The following IQSEC1 variants were observed in gnomAD, a reference collection of about 807,000 sequenced individuals.
The protein encoded by IQSEC1 is IQ motif and Sec7 domain ArfGEF 1, also known as IQ motif and SEC7 domain-containing protein 1.
Under a neutral mutation model 91.0 loss-of-function variants are expected in IQSEC1, and 31 were observed. The ratio of observed to expected loss-of-function variants is 0.34; its 90% CI spans 0.26 to 0.46. The LOEUF is 0.46. Ranked by LOEUF, IQSEC1 falls within the 20% of genes least tolerant of loss-of-function variation. IQSEC1 has a pLI of 1.00. For synonymous variants in IQSEC1, 699 were observed against 662.6 expected (o/e 1.05, Z -0.84); for missense variants, 1,388 against 1,575.6 (o/e 0.88, Z 2.02).
upstream of IQSEC1, among the ~76,000 whole-genome samples, chr3:13,076,566 G>C (rs1434894982): frequency 2.0e-5 from 3 of 152,178 alleles, no homozygotes; most frequent in Non-Finnish European, 4.4e-5. Flanking sequence ...AGATCTGACA[G>C]TCACAGAGCT....
At chr3:13,224,093 G>A (rs1172514878) in intron 1 of IQSEC1, among the ~76,000 whole-genome samples, 1 of 152,114 alleles carries the variant, frequency 6.6e-6, no homozygotes, top group Non-Finnish European at 1.5e-5. Flanking sequence ...GGCCAACCTC[G>A]GGAGGCTGCT....
intron 1 of IQSEC1, among the ~76,000 whole-genome samples, chr3:12,947,764 C>G (rs1699279264): frequency 6.6e-6 from 1 of 152,252 alleles, no homozygotes; most frequent in African/African-American, 2.4e-5. Context: ...TGCTAAGGCA[C>G]AGTGAGCCCT....
chr3:12,936,667 GC>G lies in IQSEC1; in HGVS notation c.348del (p.Arg117AlafsTer3). ...CGGGCCGCATGGCGGGTTACCAGGC[GC>G]CCCCCATACTTTCGTTCTAGCATCT... The part of the protein sequence containing the change: ...QVEMLERKYG[G>X]RLVTRHAART... On this transcript the variant is annotated frameshift_variant, in exon 3 of 14. Coordinates refer to ENST00000613206, the MANE Select transcript of IQSEC1 (RefSeq NM_001134382.3). LOFTEE classifies it high-confidence loss of function. 6.3e-7 allele frequency: 1 copy of G among 1,593,864 alleles called. No homozygotes were observed.
chr3:13,051,733 C>A (rs1002787442), intron 1 of IQSEC1, among the ~76,000 whole-genome samples: 1 of 152,158 alleles, frequency 6.6e-6, no homozygotes, highest in Admixed American at 6.5e-5. Context: ...CCCTTTCTTG[C>A]ACAGCACTTG....
intron 13 of IQSEC1, 24 bp from the exon 14 acceptor site, chr3:12,901,546 CAAAATT>C: frequency 6.5e-7 from 1 of 1,529,778 alleles, no homozygotes; most frequent in East Asian, 2.5e-5. Context: ...TCATAGAAAT[CAAAATT>C]AAAAGATCTT....
chr3:13,072,256 G>A (rs1705457520), intron 1 of IQSEC1, among the ~76,000 whole-genome samples: 1 of 152,250 alleles, frequency 6.6e-6, no homozygotes. Context: ...CCAGAGGAGG[G>A]CAAAGGTTGC....
At chr3:13,048,916 T>A (rs1330066744) in intron 1 of IQSEC1, among the ~76,000 whole-genome samples, 24 of 152,108 alleles carry the variant, frequency 1.6e-4, no homozygotes, top group Admixed American at 1.4e-3. Flanking sequence ...AGGGCCACAC[T>A]CTGTTGGCTC....
chr3:13,162,137 G>A (rs1376333014), intron 2 of IQSEC1, among the ~76,000 whole-genome samples: 3 of 152,214 alleles, frequency 2.0e-5, no homozygotes, highest in Non-Finnish European at 4.4e-5. Flanking sequence ...ACTAGCCCCC[G>A]CTCAGGTCAC....
chr3:12,913,305 AG>A (rs1695744609), intron 9 of IQSEC1, 122 bp downstream of exon 9: 1 of 1,046,294 alleles, frequency 9.6e-7, no homozygotes, highest in Non-Finnish European at 1.4e-6. Context: ...GAAAGACACC[AG>A]GCAAACCCTC....
At chr3:13,148,082 C>T (rs1706927075) in intron 2 of IQSEC1, among the ~76,000 whole-genome samples, 1 of 152,240 alleles carries the variant, frequency 6.6e-6, no homozygotes, top group African/African-American at 2.4e-5. Context: ...ACACCACCAG[C>T]AGTGAATAAG....
rs574201045 is a variant in IQSEC1 at position 13,100,749 on chromosome 3, G to A, written c.303-53227C>T. On this transcript the variant is annotated intron_variant, in intron 2 of 15. Transcript: ENST00000648114. ...TCGTTCATCGATTAATTCTACAAAT[G>A]TTCATTGGACACTGGTCTGGGCCAT... is the stretch of plus-strand genomic sequence containing the variant. Among the ~76,000 whole-genome samples the A allele has an allele frequency of 3.4e-5, 5 of 149,036 alleles. No individual in the cohort carries two copies. In the South Asian group the frequency reaches 8.4e-4, roughly 25 times the overall value.
chr3:12,929,743 AG>A (rs1697501926), intron 3 of IQSEC1, among the ~76,000 whole-genome samples: 1 of 152,170 alleles, frequency 6.6e-6, no homozygotes, highest in Non-Finnish European at 1.5e-5. Flanking sequence ...CAGCATTAAC[AG>A]GTGCTGCCTG....
intron 1 of IQSEC1, among the ~76,000 whole-genome samples, chr3:13,014,028 C>T (rs1362582166): frequency 6.6e-6 from 1 of 152,182 alleles, no homozygotes; most frequent in Non-Finnish European, 1.5e-5. Context: ...TGGGCAGCCA[C>T]CTGGCCAGGC....
At chr3:13,249,798 G>A (rs931679898) in intron 1 of IQSEC1, among the ~76,000 whole-genome samples, 100 of 152,302 alleles carry the variant, frequency 6.6e-4, no homozygotes, top group African/African-American at 2.0e-3. Flanking sequence ...GGAGGAGGAC[G>A]CCAACAGAGC....
At chr3:12,977,576 C>T (rs1327634826) in intron 1 of IQSEC1, among the ~76,000 whole-genome samples, 1 of 152,178 alleles carries the variant, frequency 6.6e-6, no homozygotes, top group Admixed American at 6.5e-5. Flanking sequence ...GTGGCAGGGC[C>T]GGGGCTGCAT....
intron 3 of IQSEC1, among the ~76,000 whole-genome samples, chr3:12,926,589 C>G (rs1405965173): frequency 6.6e-6 from 1 of 152,220 alleles, no homozygotes; most frequent in Non-Finnish European, 1.5e-5. Context: ...TCATGGCACA[C>G]CTAGAACCTG....
In IQSEC1 at chr3:12,972,846, A is replaced by G. The variant is rs756809860; in HGVS notation, c.24-30981T>C. Among the ~76,000 whole-genome samples the G allele has an allele frequency of 4.6e-5, 7 of 152,236 alleles. No individual in the cohort carries two copies. In the South Asian group the frequency reaches 1.0e-3, roughly 23 times the overall value. ...ACCATCATTCTCATCCAAATATGGAATAGAACCTATTCCTAAGACTGTTAG... is the reference window on the plus strand; with the variant it reads ...ACCATCATTCTCATCCAAATATGGAGTAGAACCTATTCCTAAGACTGTTAG... On this transcript the variant is annotated intron_variant, in intron 1 of 13. Transcript: ENST00000613206.
At chr3:13,015,048 T>C (rs1455924925) in intron 1 of IQSEC1, among the ~76,000 whole-genome samples, 2 of 152,076 alleles carry the variant, frequency 1.3e-5, no homozygotes, top group South Asian at 2.1e-4. Context: ...TTATGCACCA[T>C]AGGGTTGAGG....
chr3:13,165,531 G>T lies in IQSEC1; in HGVS notation c.273-1398C>A, dbSNP rs1408431686. 1.3e-4 allele frequency among the ~76,000 whole-genome samples: 8 copies of T among 61,698 alleles called. 1 individual carries two copies. The highest frequency in any genetic ancestry group is 4.4e-4 in the African/African-American group (7 of 15,998). The allele number at this position is 61,698 out of a possible 152,430, so 40.5% of individuals were successfully genotyped here. The stretch of plus-strand genomic sequence containing the variant: ...GCAAGCGGGGGGGTGGGGGGTGGGG[G>T]GGTGGCGTGTGTGTGTGTGTGTGTG... On this transcript the variant is annotated intron_variant, in intron 1 of 15. Coordinates refer to the IQSEC1 transcript ENST00000648114.
Sources: gnomAD v4.1 joint callset for allele counts (sites outside exome capture counted in the v4.1 genomes callset) on GRCh38, gnomAD v4.1.1 for gene constraint, MANE v1.5 for transcripts, NCBI Gene and HGNC (gene_info 2026-07-23, HGNC 2026-07-21) for gene names.